Variants in ENOX1 observed in about 807,000 individuals in gnomAD.
ENOX1 encodes ecto-NOX disulfide-thiol exchanger 1, also known as candidate growth-related and time keeping constitutive hydroquinone (NADH) oxidase.
Under a neutral mutation model 82.5 loss-of-function variants are expected in ENOX1, and 42 were observed. That is an observed-to-expected ratio of 0.51 (90% CI 0.40 to 0.66). The LOEUF (loss-of-function observed/expected upper bound fraction) is 0.66, where lower values mean the gene tolerates loss of function less well. Ranked by LOEUF, ENOX1 falls within the 30% of genes least tolerant of loss-of-function variation. ENOX1 has a pLI of 0.00. For synonymous variants in ENOX1, 271 were observed against 282.2 expected, an observed-to-expected ratio of 0.96 and a Z score of 0.40; for missense variants, 608 against 811.6, an observed-to-expected ratio of 0.75 and a Z score of 3.05.
At position 43,630,932 on chromosome 13, in the gene ENOX1, T is replaced by TG. The variant is rs1566672162; in HGVS notation, c.-219+36546_-219+36547insC. Among the ~76,000 whole-genome samples, 12 of 130,188 alleles carry TG rather than the reference T, an allele frequency of 9.2e-5. No individual in the cohort carries two copies. The East Asian group carries it at 2.5e-3, about 27-fold the overall frequency. The allele number at this position is 130,188 out of a possible 152,430, so 85.4% of individuals were successfully genotyped here. Reference sequence around the variant, plus strand: ...ACGTGTGCGTATATGTGTGTGTGTGTTTGTGTGTGTGTGTGTGTATGTAAT... The same window carrying TG: ...ACGTGTGCGTATATGTGTGTGTGTGTGTTGTGTGTGTGTGTGTGTATGTAAT... On this transcript the variant is annotated intron_variant, in intron 2 of 16. Coordinates refer to ENST00000690772, the MANE Select transcript of ENOX1 (RefSeq NM_001347969.2).
intron 5 of ENOX1, among the ~76,000 whole-genome samples, chr13:43,407,430 T>C (rs557079029): frequency 1.1e-4 from 16 of 152,342 alleles, no homozygotes; most frequent in African/African-American, 3.8e-4. Context: ...TGTTTTTTAA[T>C]TAATTTTTAA....
At chr13:43,729,542 G>A (rs1269145971) in intron 1 of ENOX1, among the ~76,000 whole-genome samples, 1 of 152,076 alleles carries the variant, frequency 6.6e-6, no homozygotes, top group East Asian at 1.9e-4. Context: ...TTTTTGTAAT[G>A]TTTTGTTGTG....
intron 1 of ENOX1, among the ~76,000 whole-genome samples, chr13:43,673,711 G>C (rs2085373340): frequency 6.6e-6 from 1 of 152,184 alleles, no homozygotes; most frequent in Non-Finnish European, 1.5e-5. Context: ...CTACAGTTTG[G>C]TAAATGAAAG....
chr13:43,236,261 C>T (rs1040561071), intron 15 of ENOX1, among the ~76,000 whole-genome samples: 20 of 152,156 alleles, frequency 1.3e-4, no homozygotes, highest in African/African-American at 4.8e-4. Context: ...AGAGTTTAAT[C>T]TCAGGGTTCA....
At chr13:43,314,579 A>T (rs1364283772) in intron 11 of ENOX1, among the ~76,000 whole-genome samples, 1 of 152,226 alleles carries the variant, frequency 6.6e-6, no homozygotes, top group Admixed American at 6.5e-5. Flanking sequence ...GAGAATTAGG[A>T]CAATGATGTT....
At chr13:43,655,136 C>T (rs530505005) in intron 2 of ENOX1, among the ~76,000 whole-genome samples, 53 of 152,266 alleles carry the variant, frequency 3.5e-4, no homozygotes, top group African/African-American at 1.2e-3. Context: ...TCCTACCGCG[C>T]TCCTTATTTA....
At chr13:43,663,975 G>A (rs2084854399) in intron 2 of ENOX1, among the ~76,000 whole-genome samples, 1 of 152,112 alleles carries the variant, frequency 6.6e-6, no homozygotes, top group African/African-American at 2.4e-5. Flanking sequence ...ACCCATCAGA[G>A]GGAGAGGCAG....
chr13:43,586,846 C>T (rs376933966), intron 2 of ENOX1, among the ~76,000 whole-genome samples: 168 of 151,510 alleles, frequency 1.1e-3, no homozygotes, highest in African/African-American at 3.9e-3. Flanking sequence ...AGGTGGATCA[C>T]GAGATCAGGA....
rs554548622 is a variant in ENOX1, at chr13:43,224,077, T to C, written c.1776A>G (p.Ser592=). The change falls in exon 16 of 17, where the codon TCA becomes TCG. Residue 592 remains serine, a synonymous_variant. Coordinates refer to ENST00000690772, the MANE Select transcript of ENOX1 (RefSeq NM_001347969.2). Reference sequence around the variant, plus strand: ...CCTTGGAGTCCAGCTGCTGCATGTATGACCAAAGATATTCTATGTTGGCTC... The same window carrying C: ...CCTTGGAGTCCAGCTGCTGCATGTACGACCAAAGATATTCTATGTTGGCTC... ...PFGANIEYLW[S]YMQQLDSKIS... 1 of 1,614,038 alleles carries C rather than the reference T, an allele frequency of 6.2e-7. No individual in the cohort carries two copies. The highest frequency in any genetic ancestry group is 8.5e-7 in the Non-Finnish European group (1 of 1,179,896).
chr13:43,717,430 A>T (rs2088226948), intron 1 of ENOX1, among the ~76,000 whole-genome samples: 2 of 152,254 alleles, frequency 1.3e-5, no homozygotes, highest in Admixed American at 1.3e-4. Context: ...ACCTCAAATT[A>T]TAAAATTCCT....
At chr13:43,331,106 G>T (rs1340778193) in intron 9 of ENOX1, among the ~76,000 whole-genome samples, 6 of 152,122 alleles carry the variant, frequency 3.9e-5, no homozygotes, top group Non-Finnish European at 8.8e-5. Context: ...AGCTCCCTGG[G>T]AAAAAGCAGC....
chr13:43,484,026 C>T lies in ENOX1; in HGVS notation c.-92G>A. The T allele has an allele frequency of 1.0e-6, 1 of 985,470 alleles. No individual in the cohort carries two copies. The highest frequency in any genetic ancestry group is 1.2e-6 in the Non-Finnish European group (1 of 829,920). The allele number at this position is 985,470 out of a possible 1,614,324, so 61.0% of individuals were successfully genotyped here. A position where few individuals can be genotyped will look rare whatever the true frequency, so the allele number is the denominator to read the frequency against. ...ACACAAACCTCAAAACTGCCAGCAG[C>T]TCAGAAGACAAATGTGTTCTCTGGG... On this transcript the variant is annotated 5_prime_UTR_variant, in exon 3 of 17. Transcript: ENST00000690772.
intron 2 of ENOX1, among the ~76,000 whole-genome samples, chr13:43,535,331 A>G (rs1241545102): frequency 6.6e-6 from 1 of 152,198 alleles, no homozygotes; most frequent in Non-Finnish European, 1.5e-5. Flanking sequence ...ACTCACAGAA[A>G]CACCTAGCTG....
intron 3 of ENOX1, among the ~76,000 whole-genome samples, chr13:43,483,359 C>G (rs1380262799): frequency 1.3e-5 from 2 of 152,192 alleles, no homozygotes; most frequent in Non-Finnish European, 2.9e-5. Flanking sequence ...ATCTCAATAG[C>G]AAACATGTAT....
chr13:43,767,758 C>G (rs559161077), intron 1 of ENOX1, among the ~76,000 whole-genome samples: 1 of 152,212 alleles, frequency 6.6e-6, no homozygotes, highest in Non-Finnish European at 1.5e-5. Context: ...TCCCCCATGG[C>G]TCTTAATCAG....
intron 2 of ENOX1, chr13:43,546,986 T>G (rs959117246): frequency 6.6e-5 from 10 of 152,246 alleles, no homozygotes; most frequent in Non-Finnish European, 8.8e-5. Context: ...TAAACTGCTT[T>G]TCTTCCCATT....
intron 14 of ENOX1, among the ~76,000 whole-genome samples, chr13:43,239,594 T>G (rs188298913): frequency 2.6e-5 from 4 of 152,320 alleles, no homozygotes; most frequent in African/African-American, 9.6e-5. Context: ...GTGGACCAAC[T>G]TGTGACCACT....
Position 43,412,909 on chromosome 13 carries a change from T to C in ENOX1, c.6A>G (p.Val2=), listed in dbSNP as rs771202583. Reference sequence around the variant, plus strand: ...TGATGTTCTCAACTCCACCTGCATCTACCATTGAATTATGAGTGTCCAGAG... The same window carrying C: ...TGATGTTCTCAACTCCACCTGCATCCACCATTGAATTATGAGTGTCCAGAG... M[V]DAGGVENITQ... is the part of the protein sequence containing the mutation. Residue 2 remains valine (V), a synonymous_variant, in exon 4 of 17, where the codon GTA becomes GTG. Coordinates refer to ENST00000690772, the MANE Select transcript of ENOX1 (RefSeq NM_001347969.2). 6.2e-7 allele frequency: 1 copy of C among 1,614,078 alleles called. No individual in the cohort carries two copies. Among genetic ancestry groups the C allele is most frequent in the Non-Finnish European group, 8.5e-7 (1 of 1,180,006 alleles).
At chr13:43,263,718 G>A (rs531881225) in intron 14 of ENOX1, among the ~76,000 whole-genome samples, 3 of 152,330 alleles carry the variant, frequency 2.0e-5, no homozygotes, top group East Asian at 3.9e-4. Flanking sequence ...GGCAAGGTAG[G>A]AGTTATCCCC....
Sources: gnomAD v4.1 joint callset for allele counts (sites outside exome capture counted in the v4.1 genomes callset) on GRCh38, gnomAD v4.1.1 for gene constraint, MANE v1.5 for transcripts, NCBI Gene and HGNC (gene_info 2026-07-23, HGNC 2026-07-21) for gene names.